The following LRRC69 variants were observed in gnomAD, a reference collection of about 807,000 sequenced individuals.
LRRC69 encodes the protein leucine rich repeat containing 69.
Under a neutral mutation model 37.8 loss-of-function variants are expected in LRRC69, and 42 were observed. The observed-to-expected ratio is 1.11, with a 90% CI of 0.87 to 1.44. LRRC69 has a LOEUF of 1.44. Ranked by LOEUF, LRRC69 falls within the 40% of genes most tolerant of loss-of-function variation. The pLI, the probability that LRRC69 is intolerant of heterozygous loss-of-function variation, is 0.00. For synonymous variants in LRRC69, 141 were observed against 143.1 expected (o/e 0.99, Z 0.11); for missense variants, 357 against 401.9 (o/e 0.89, Z 0.96).
chr8:91,138,325 A>C (rs1268551480), intron 5 of LRRC69, among the ~76,000 whole-genome samples: 2 of 152,120 alleles, frequency 1.3e-5, no homozygotes, highest in East Asian at 3.9e-4. Context: ...AACATATATA[A>C]AAACAGACAG....
intron 5 of LRRC69, among the ~76,000 whole-genome samples, chr8:91,171,803 A>G (rs1210050858): frequency 5.3e-5 from 8 of 152,050 alleles, no homozygotes; most frequent in African/African-American, 1.9e-4. Context: ...TTATTTGGAA[A>G]ATATAGATAA....
Position 91,200,598 on chromosome 8 carries a change from T to C in LRRC69, c.754-15T>C. ...GAAAACAATCTGAGGAACTGTATTTTTTTTTTCAATTTAGGAAATAACATC... is the reference window on the plus strand; with the variant it reads ...GAAAACAATCTGAGGAACTGTATTTCTTTTTTCAATTTAGGAAATAACATC... On this transcript the variant is annotated splice_polypyrimidine_tract_variant and intron_variant, in intron 6 of 7. Transcript: ENST00000448384. 3 of 1,412,562 alleles carry C rather than the reference T, an allele frequency of 2.1e-6. No individual in the cohort carries two copies. The highest frequency in any genetic ancestry group is 2.8e-6 in the Non-Finnish European group (3 of 1,076,800). 87.5% of individuals were successfully genotyped at this position (1,412,562 alleles called of 1,614,324 possible). A position where few individuals can be genotyped will look rare whatever the true frequency, so the allele number is the denominator to read the frequency against.
intron 5 of LRRC69, among the ~76,000 whole-genome samples, chr8:91,137,371 G>A (rs1808440786): frequency 6.6e-6 from 1 of 151,954 alleles, no homozygotes; most frequent in South Asian, 2.1e-4. Flanking sequence ...ACATAATGGA[G>A]TAATTCATTT....
chr8:91,127,783 C>A (rs2130507400), intron 3 of LRRC69, among the ~76,000 whole-genome samples: 2 of 151,990 alleles, frequency 1.3e-5, no homozygotes, highest in South Asian at 4.1e-4. Flanking sequence ...TGGAGACTCC[C>A]TTTATTGCCT....
At chr8:91,133,327 A>T (rs780522734) in intron 4 of LRRC69, 22 bp downstream of exon 4, 73 of 1,474,826 alleles carry the variant, frequency 4.9e-5, no homozygotes, top group Non-Finnish European at 6.5e-5. Context: ...ATGGAACCAC[A>T]GTAGTTTGCT....
At chr8:91,139,147 CTTTTA>C (rs1808479120) in intron 5 of LRRC69, 1 of 150,566 alleles carries the variant, frequency 6.6e-6, no homozygotes, top group African/African-American at 2.4e-5. Flanking sequence ...TTTTTCCTTT[CTTTTA>C]TTTTAACTTA....
At chr8:91,217,497 G>A (rs2130657396) in intron 7 of LRRC69, among the ~76,000 whole-genome samples, 1 of 152,264 alleles carries the variant, frequency 6.6e-6, no homozygotes, top group Non-Finnish European at 1.5e-5. Context: ...ATGTCCTGGG[G>A]CTGATGTTCA....
At chr8:91,210,135 A>G (rs1282712846) in intron 7 of LRRC69, among the ~76,000 whole-genome samples, 1 of 152,188 alleles carries the variant, frequency 6.6e-6, no homozygotes, top group Non-Finnish European at 1.5e-5. Flanking sequence ...CATTTAAGTA[A>G]TAGAGTTTCT....
intron 5 of LRRC69, among the ~76,000 whole-genome samples, chr8:91,155,708 A>G (rs948121693): frequency 1.3e-5 from 2 of 150,748 alleles, no homozygotes; most frequent in Admixed American, 6.7e-5. Flanking sequence ...CAACATTTTT[A>G]TCTCACACAT....
rs766344836 is a variant in LRRC69, at chr8:91,208,720, T to G, written c.933+7928T>G. ...TGCCTATATTATCTAATTCTTGGAG[T>G]TTTTAAGTAGTGTCATGGTATTAGG... is the stretch of plus-strand genomic sequence containing the variant. On this transcript the variant is annotated intron_variant, in intron 7 of 7. Coordinates refer to ENST00000448384, the Ensembl canonical transcript of LRRC69. Among the ~76,000 whole-genome samples, 91 of 152,014 alleles carry G rather than the reference T, an allele frequency of 6.0e-4. 1 individual carries two copies. The highest frequency in any genetic ancestry group is 1.8e-4 in the Non-Finnish European group (12 of 68,012).
At chr8:91,161,336 C>T (rs550857558) in intron 5 of LRRC69, among the ~76,000 whole-genome samples, 1 of 151,364 alleles carries the variant, frequency 6.6e-6, no homozygotes, top group Non-Finnish European at 1.5e-5. Context: ...GAATTTCCTT[C>T]TTTCTTTTCG....
chr8:91,108,421 T>C (rs1813356447), intron 1 of LRRC69, among the ~76,000 whole-genome samples: 2 of 152,016 alleles, frequency 1.3e-5, no homozygotes. Flanking sequence ...GGAAAGTTAA[T>C]GAAACATACA....
chr8:91,156,855 AGCACCGTTTTTTGAAGAGGCTCTCCTTT>A lies in LRRC69; in HGVS notation c.651+21117_651+21144del, dbSNP rs2130557573. Among the ~76,000 whole-genome samples the A allele has an allele frequency of 9.9e-5, 15 of 151,234 alleles. 1 individual carries two copies. The South Asian group carries it at 3.1e-3, about 32-fold the overall frequency. Reference sequence around the variant, plus strand: ...CTGTGTATGGATATTCAATTTTCCCAGCACCGTTTTTTGAAGAGGCTCTCCTTTCAGTGTATGTTCCTGGCACCTTTGT... The same window carrying A: ...CTGTGTATGGATATTCAATTTTCCCACAGTGTATGTTCCTGGCACCTTTGT... On this transcript the variant is annotated intron_variant, in intron 5 of 7. Coordinates refer to ENST00000448384, the Ensembl canonical transcript of LRRC69.
Position 91,130,400 on chromosome 8 carries a change from G to A in LRRC69, c.384-2710G>A, listed in dbSNP as rs1388579806. The A allele has an allele frequency of 3.3e-5, 5 of 151,924 alleles. No homozygotes were observed. In the East Asian group the frequency reaches 5.8e-4, roughly 18 times the overall value. 9.4% of individuals were successfully genotyped at this position (151,924 alleles called of 1,614,324 possible). A position where few individuals can be genotyped will look rare whatever the true frequency, so the allele number is the denominator to read the frequency against. ...AATGATTCTCCTGCCTCAGCCTCCC[G>A]AGTAGCTGGTATTACAGGTGCCTGC... is the stretch of plus-strand genomic sequence containing the variant. On this transcript the variant is annotated intron_variant, in intron 3 of 7. Transcript: ENST00000448384.
intron 5 of LRRC69, among the ~76,000 whole-genome samples, chr8:91,164,551 C>T (rs1291065586): frequency 6.6e-6 from 1 of 151,582 alleles, no homozygotes; most frequent in African/African-American, 2.4e-5. Context: ...TTTCTGGAAA[C>T]AGTAATATGC....
Position 91,156,610 on chromosome 8 carries a change from G to A in LRRC69, c.651+20871G>A, listed in dbSNP as rs905446349. On this transcript the variant is annotated intron_variant, in intron 5 of 7. Coordinates refer to ENST00000448384, the Ensembl canonical transcript of LRRC69. ...ATGTCTATTTTTGCTTTTGTTGTCC[G>A]TGGTTTGGAGTATTTTTTAATTCTC... Among the ~76,000 whole-genome samples the A allele has an allele frequency of 6.6e-5, 10 of 150,784 alleles. No homozygotes were observed. The East Asian group carries it at 1.6e-3, about 24-fold the overall frequency.
At chr8:91,208,730 G>A (rs931189251) in intron 7 of LRRC69, among the ~76,000 whole-genome samples, 2 of 152,098 alleles carry the variant, frequency 1.3e-5, no homozygotes, top group Admixed American at 1.3e-4. Flanking sequence ...TTTTTAAGTA[G>A]TGTCATGGTA....
chr8:91,172,426 T>G (rs780150447), intron 5 of LRRC69, among the ~76,000 whole-genome samples: 1 of 152,062 alleles, frequency 6.6e-6, no homozygotes, highest in Non-Finnish European at 1.5e-5. Context: ...ATGTAAGCAA[T>G]TCTTTACATA....
intron 5 of LRRC69, chr8:91,158,579 G>T (rs939226736): frequency 1.9e-5 from 25 of 1,310,740 alleles, no homozygotes; most frequent in Non-Finnish European, 2.7e-5. Context: ...ACAAGCACAG[G>T]GGTGTTTATA....
Sources: gnomAD v4.1 joint callset for allele counts (sites outside exome capture counted in the v4.1 genomes callset) on GRCh38, gnomAD v4.1.1 for gene constraint, MANE v1.5 for transcripts, NCBI Gene and HGNC (gene_info 2026-07-23, HGNC 2026-07-21) for gene names.